Variants in CMSS1 observed in about 807,000 individuals in gnomAD.
The protein encoded by CMSS1 is cms1 ribosomal small subunit homolog.
Under a neutral mutation model 43.5 loss-of-function variants are expected in CMSS1, and 33 were observed. The ratio of observed to expected loss-of-function variants is 0.76; its 90% confidence interval spans 0.57 to 1.01. The LOEUF is 1.01. CMSS1 is among the 50% of genes least tolerant of loss of function. The probability of loss-of-function intolerance (pLI) is 0.00; values close to 1 mark genes in which losing one functional copy is unlikely to be tolerated. For synonymous variants in CMSS1, 115 were observed against 117.2 expected (o/e 0.98, Z 0.12); for missense variants, 313 against 326.4 (o/e 0.96, Z 0.32).
chr3:100,001,417 G>A (rs1391095286), intron 1 of CMSS1, among the ~76,000 whole-genome samples: 1 of 152,154 alleles, frequency 6.6e-6, no homozygotes, highest in Non-Finnish European at 1.5e-5. Context: ...GGAAAAAGTT[G>A]GCTGACCACT....
At chr3:100,090,844 C>T (rs1249524215) in intron 1 of CMSS1, among the ~76,000 whole-genome samples, 8 of 152,154 alleles carry the variant, frequency 5.3e-5, no homozygotes, top group African/African-American at 1.9e-4. Flanking sequence ...CCTATCCTCC[C>T]TAGAGCTTGC....
intron 4 of CMSS1, among the ~76,000 whole-genome samples, chr3:100,163,110 A>G (rs1010845719): frequency 1.3e-5 from 2 of 152,198 alleles, no homozygotes; most frequent in African/African-American, 4.8e-5. Flanking sequence ...TAATATTAAG[A>G]TTTGTGATTG....
At chr3:100,098,434 C>G (rs1205740232) in intron 1 of CMSS1, among the ~76,000 whole-genome samples, 2 of 152,146 alleles carry the variant, frequency 1.3e-5, no homozygotes, top group African/African-American at 4.8e-5. Context: ...GGCTACCTCA[C>G]AGGATTCTTG....
intron 1 of CMSS1, among the ~76,000 whole-genome samples, chr3:99,955,507 A>T (rs1708295935): frequency 6.6e-6 from 1 of 152,238 alleles, no homozygotes; most frequent in Admixed American, 6.5e-5. Flanking sequence ...AAGTTGAATC[A>T]GGAAGCCAGT....
chr3:99,919,850 T>A (rs924167011), intron 1 of CMSS1, among the ~76,000 whole-genome samples: 2 of 152,174 alleles, frequency 1.3e-5, no homozygotes, highest in African/African-American at 4.8e-5. Context: ...CAGGGTGTGG[T>A]CAAGGCAACA....
intron 1 of CMSS1, among the ~76,000 whole-genome samples, chr3:99,907,043 A>G (rs776545758): frequency 6.6e-6 from 1 of 152,212 alleles, no homozygotes; most frequent in African/African-American, 2.4e-5. Flanking sequence ...TAATTAGAGT[A>G]TATTTAAACC....
At chr3:100,155,708 A>G (rs2066965742) in intron 2 of CMSS1, among the ~76,000 whole-genome samples, 1 of 152,186 alleles carries the variant, frequency 6.6e-6, no homozygotes, top group Admixed American at 6.5e-5. Context: ...AAATTTTTTG[A>G]GACTTCATAT....
At position 100,069,066 on chromosome 3, in the gene CMSS1, A is replaced by G. The variant is rs918848858; in HGVS notation, c.65-77907A>G. On this transcript the variant is annotated intron_variant, in intron 1 of 9. Transcript: ENST00000421999. ...GGCACTTCATAATAGATCAGTTGAT[A>G]TACTTGAAAGTCTCATACAAGTCTG... Among the ~76,000 whole-genome samples, 27 of 152,180 alleles carry G rather than the reference A, an allele frequency of 1.8e-4. 1 individual carries two copies. Among genetic ancestry groups the G allele is most frequent in the Non-Finnish European group, 3.5e-4 (24 of 68,040 alleles).
At chr3:99,843,413 T>C (rs958056444) in intron 1 of CMSS1, among the ~76,000 whole-genome samples, 2 of 152,176 alleles carry the variant, frequency 1.3e-5, no homozygotes, top group African/African-American at 4.8e-5. Flanking sequence ...GAATAAACCT[T>C]CTGTTTGTCA....
Position 100,018,709 on chromosome 3 carries a change from C to T in CMSS1, c.65-128264C>T, listed in dbSNP as rs895406803. On this transcript the variant is annotated intron_variant, in intron 1 of 9. Coordinates refer to ENST00000421999, the MANE Select transcript of CMSS1 (RefSeq NM_032359.4). ...AAGCAAGAATAGATGAATGAAATTA[C>T]ATCAAACTTAAAAGTTTCCGCATAG... Among the ~76,000 whole-genome samples the T allele has an allele frequency of 1.4e-4, 19 of 131,766 alleles. No homozygotes were observed. In the Admixed American group the frequency reaches 1.4e-3, roughly 10 times the overall value. 86.4% of individuals were successfully genotyped at this position (131,766 alleles called of 152,430 possible).
At chr3:100,120,203 C>G (rs1471597186) in intron 1 of CMSS1, among the ~76,000 whole-genome samples, 2 of 152,228 alleles carry the variant, frequency 1.3e-5, no homozygotes, top group African/African-American at 4.8e-5. Flanking sequence ...CTAAGACATT[C>G]CTCAAGTGTC....
intron 1 of CMSS1, among the ~76,000 whole-genome samples, chr3:99,909,033 T>G (rs1559684298): frequency 6.6e-6 from 1 of 152,216 alleles, no homozygotes; most frequent in Non-Finnish European, 1.5e-5. Context: ...AACCTTTGTG[T>G]GTGCATGTGT....
At chr3:100,074,024 C>T (rs1015359112) in intron 1 of CMSS1, among the ~76,000 whole-genome samples, 2 of 152,136 alleles carry the variant, frequency 1.3e-5, no homozygotes, top group African/African-American at 4.8e-5. Flanking sequence ...AAAAGCAAGT[C>T]GTCTTCTACT....
At chr3:99,939,143 A>G (rs2107674191) in intron 1 of CMSS1, among the ~76,000 whole-genome samples, 1 of 152,320 alleles carries the variant, frequency 6.6e-6, no homozygotes, top group African/African-American at 2.4e-5. Flanking sequence ...AGCCACAGAG[A>G]GAAAATCAAA....
chr3:99,920,856 T>C (rs988218174), intron 1 of CMSS1, among the ~76,000 whole-genome samples: 1 of 152,218 alleles, frequency 6.6e-6, no homozygotes, highest in Admixed American at 6.5e-5. Flanking sequence ...GAGGTCTCAT[T>C]AACTACCTCA....
intron 1 of CMSS1, among the ~76,000 whole-genome samples, chr3:100,093,026 T>A (rs1208725350): frequency 6.6e-6 from 1 of 152,046 alleles, no homozygotes; most frequent in Non-Finnish European, 1.5e-5. Context: ...GTTTCATAAA[T>A]ACGTTGAAGG....
chr3:100,124,781 A>G (rs1424460262), intron 1 of CMSS1, among the ~76,000 whole-genome samples: 2 of 152,164 alleles, frequency 1.3e-5, no homozygotes, highest in African/African-American at 4.8e-5. Flanking sequence ...AGGACCTGGC[A>G]CTATATGCTG....
chr3:99,901,307 T>C, intron 1 of CMSS1, among the ~76,000 whole-genome samples: 1 of 152,212 alleles, frequency 6.6e-6, no homozygotes, highest in East Asian at 1.9e-4. Flanking sequence ...CTAAACTGTT[T>C]AGGAAAATTG....
intron 1 of CMSS1, among the ~76,000 whole-genome samples, chr3:99,875,750 C>G (rs970738170): frequency 1.3e-5 from 2 of 152,164 alleles, no homozygotes; most frequent in African/African-American, 4.8e-5. Context: ...TAGTCTCCCC[C>G]ACCCTTTCCC....
Sources: gnomAD v4.1 joint callset for allele counts (sites outside exome capture counted in the v4.1 genomes callset) on GRCh38, gnomAD v4.1.1 for gene constraint, MANE v1.5 for transcripts, NCBI Gene and HGNC (gene_info 2026-07-23, HGNC 2026-07-21) for gene names.